Variants in TRPM6 observed in about 807,000 individuals in gnomAD.
TRPM6 encodes channel kinase 2.
TRPM6 carries 111 observed loss-of-function variants against 247.6 expected under a neutral mutation model. That is an observed-to-expected ratio of 0.45 (90% confidence interval 0.38 to 0.52). The LOEUF is 0.52. Ranked by LOEUF, TRPM6 falls within the 20% of genes least tolerant of loss-of-function variation. TRPM6 has a pLI of 0.00. For missense variants in TRPM6, 2,126 were observed against 2,421.5 expected (o/e 0.88, Z 2.56); for synonymous variants, 892 against 853.8 (o/e 1.04, Z -0.78).
At position 74,724,526 on chromosome 9, in the gene TRPM6, G is replaced by A. The variant is rs1451226925; in HGVS notation, c.*87C>T. 1.9e-6 allele frequency: 3 copies of A among 1,574,144 alleles called. No individual in the cohort carries two copies. The highest frequency in any genetic ancestry group is 2.6e-6 in the Non-Finnish European group (3 of 1,145,048). On this transcript the variant is annotated 3_prime_UTR_variant, in exon 39 of 39. Coordinates refer to ENST00000360774, the MANE Select transcript of TRPM6 (RefSeq NM_017662.5). The stretch of plus-strand genomic sequence containing the variant: ...AGGCGTGTCCCAAGGAGACGCTGAT[G>A]TAATCAACATCACGTTGATCAATCT...
At chr9:74,867,565 T>G (rs1374343385) in intron 1 of TRPM6, among the ~76,000 whole-genome samples, 1 of 152,214 alleles carries the variant, frequency 6.6e-6, no homozygotes, top group African/African-American at 2.4e-5. Flanking sequence ...CTTCATGTAC[T>G]GTATTTTATG....
chr9:74,837,306 T>C (rs1391912159), intron 5 of TRPM6, among the ~76,000 whole-genome samples: 1 of 152,212 alleles, frequency 6.6e-6, no homozygotes, highest in Non-Finnish European at 1.5e-5. Context: ...TCTGCAGGTC[T>C]GGGGTGGGGC....
rs377411394 is a variant in TRPM6, at chr9:74,852,384, A to G, written c.152+3143T>C. Among the ~76,000 whole-genome samples the G allele has an allele frequency of 1.3e-4, 19 of 151,604 alleles. No homozygotes were observed. The South Asian group carries it at 3.7e-3, about 30-fold the overall frequency. On this transcript the variant is annotated intron_variant, in intron 3 of 38. Transcript: ENST00000360774. ...AAATTTTCTTTCAATAAAAAAAAAAAATTGTATAAATGCATAAAAGTGTCC... is the reference window on the plus strand; with the variant it reads ...AAATTTTCTTTCAATAAAAAAAAAAGATTGTATAAATGCATAAAAGTGTCC...
intron 19 of TRPM6, among the ~76,000 whole-genome samples, chr9:74,790,943 A>T (rs1340902288): frequency 6.6e-6 from 1 of 152,220 alleles, no homozygotes; most frequent in African/African-American, 2.4e-5. Flanking sequence ...CACCTAGGTA[A>T]AATTAAGCAC....
At chr9:74,785,354 A>G (rs1372223508) in intron 21 of TRPM6, among the ~76,000 whole-genome samples, 1 of 152,204 alleles carries the variant, frequency 6.6e-6, no homozygotes, top group Non-Finnish European at 1.5e-5. Context: ...ACATTTAAAA[A>G]TAACTAAAAG....
chr9:74,884,496 AATACATAT>A (rs1831466717), intron 1 of TRPM6, among the ~76,000 whole-genome samples: 2 of 113,760 alleles, frequency 1.8e-5, no homozygotes, highest in South Asian at 3.0e-4. Context: ...CTCAAAAATA[AATACATAT>A]ATACATACAT....
chr9:74,738,260 T>G, intron 36 of TRPM6, 147 bp downstream of exon 36: 1 of 797,038 alleles, frequency 1.3e-6, no homozygotes, highest in Non-Finnish European at 2.1e-6. Context: ...TCCATGATTA[T>G]CACTGTACAA....
intron 15 of TRPM6, 90 bp downstream of exon 15, chr9:74,803,704 T>C: frequency 1.1e-6 from 1 of 928,954 alleles, no homozygotes; most frequent in Non-Finnish European, 1.8e-6. Context: ...TCCCTCTATT[T>C]GCACCTCCCT....
intron 1 of TRPM6, among the ~76,000 whole-genome samples, chr9:74,877,184 G>A (rs1447694498): frequency 6.6e-6 from 1 of 152,116 alleles, no homozygotes; most frequent in Non-Finnish European, 1.5e-5. Flanking sequence ...ACAAACACAA[G>A]AGTTATCATA....
At chr9:74,847,600 A>AAT (rs60286881) in intron 3 of TRPM6, among the ~76,000 whole-genome samples, 1 of 152,094 alleles carries the variant, frequency 6.6e-6, no homozygotes, top group Non-Finnish European at 1.5e-5. Flanking sequence ...GACTGGCTTT[A>AAT]ATATATATAT....
chr9:74,823,248 C>T (rs1049432097), intron 7 of TRPM6, among the ~76,000 whole-genome samples: 3 of 152,148 alleles, frequency 2.0e-5, no homozygotes, highest in African/African-American at 7.2e-5. Context: ...GGTCAAGGGT[C>T]AAGGGAAGCC....
chr9:74,813,980 C>G (rs187659053), intron 11 of TRPM6, among the ~76,000 whole-genome samples: 98 of 152,224 alleles, frequency 6.4e-4, no homozygotes, highest in African/African-American at 1.7e-3. Flanking sequence ...ACCTGTAATC[C>G]CAGCTACTCG....
Position 74,792,786 on chromosome 9 carries a change from A to G in TRPM6, c.2392-16T>C, listed in dbSNP as rs1827954648. On this transcript the variant is annotated splice_polypyrimidine_tract_variant and intron_variant, in intron 18 of 38. Transcript: ENST00000360774. ...CATACTCTTTCTATAAAATAAACAA[A>G]TAATCATTTTCTTGTCAGCAGCTTA... 1.2e-6 allele frequency: 2 copies of G among 1,610,268 alleles called. No homozygotes were observed.
intron 24 of TRPM6, among the ~76,000 whole-genome samples, chr9:74,772,111 C>T (rs987841406): frequency 1.3e-5 from 2 of 152,082 alleles, no homozygotes; most frequent in East Asian, 3.9e-4. Flanking sequence ...GCAACACAGG[C>T]AGACCCTCTC....
At chr9:74,817,079 T>G (rs1245980144) in intron 9 of TRPM6, 115 bp from the exon 10 acceptor site, 2 of 991,378 alleles carry the variant, frequency 2.0e-6, no homozygotes, top group Non-Finnish European at 3.2e-6. Context: ...ACATTCTTCT[T>G]TAAAACCTTT....
At chr9:74,725,195 T>C (rs1488646319) in intron 38 of TRPM6, among the ~76,000 whole-genome samples, 1 of 152,114 alleles carries the variant, frequency 6.6e-6, no homozygotes, top group Non-Finnish European at 1.5e-5. Context: ...TCCATCCAGT[T>C]ATCAGATCCT....
At chr9:74,836,353 C>T (rs1829721265) in intron 5 of TRPM6, among the ~76,000 whole-genome samples, 1 of 152,150 alleles carries the variant, frequency 6.6e-6, no homozygotes, top group South Asian at 2.1e-4. Context: ...GGAAAAATAA[C>T]CTGCATATGG....
chr9:74,797,670 A>T (rs895750839), intron 17 of TRPM6, among the ~76,000 whole-genome samples: 6 of 152,198 alleles, frequency 3.9e-5, no homozygotes, highest in Non-Finnish European at 8.8e-5. Context: ...TTTGTTAAAA[A>T]ATAAAATTAA....
At chr9:74,767,669 G>A (rs1826873405) in intron 25 of TRPM6, among the ~76,000 whole-genome samples, 2 of 152,108 alleles carry the variant, frequency 1.3e-5, no homozygotes, top group South Asian at 4.1e-4. Flanking sequence ...CTATTTTGAA[G>A]TTTAATTAGA....
Sources: gnomAD v4.1 joint callset for allele counts (sites outside exome capture counted in the v4.1 genomes callset) on GRCh38, gnomAD v4.1.1 for gene constraint, MANE v1.5 for transcripts, NCBI Gene and HGNC (gene_info 2026-07-23, HGNC 2026-07-21) for gene names.